Variants in RBPJ observed in about 807,000 individuals in gnomAD.
RBPJ encodes recombining binding protein suppressor of hairless.
A neutral mutation model predicts 67.8 loss-of-function variants in RBPJ; 9 were observed. The observed-to-expected ratio is 0.13, with a 90% CI of 0.08 to 0.23. RBPJ has a LOEUF of 0.23. Ranked by LOEUF, RBPJ falls within the 10% of genes least tolerant of loss-of-function variation. RBPJ has a pLI of 1.00. For synonymous variants in RBPJ, 198 were observed against 203.3 expected (o/e 0.97, Z 0.22); for missense variants, 305 against 595.6 (o/e 0.51, Z 5.08).
In RBPJ at chr4:26,195,794, C is replaced by T. The variant is rs1361167925; in HGVS notation, c.-167+32180C>T. ...TATTTTTAGTAGAGACGAGGTTTCA[C>T]CATGTTGGTCAGGCTGGTCTTGAAC... On this transcript the variant is annotated intron_variant, in intron 1 of 4. Coordinates refer to the RBPJ transcript ENST00000512351. Among the ~76,000 whole-genome samples, 4 of 152,132 alleles carry T rather than the reference C, an allele frequency of 2.6e-5. No individual in the cohort carries two copies. The East Asian group carries it at 7.7e-4, about 29-fold the overall frequency.
intron 2 of RBPJ, among the ~76,000 whole-genome samples, chr4:26,396,805 AAG>A (rs796323883): frequency 3.7e-4 from 56 of 152,384 alleles, no homozygotes; most frequent in African/African-American, 1.2e-3. Flanking sequence ...CTGCTATAAA[AAG>A]AGAGGATTGA....
intron 1 of RBPJ, among the ~76,000 whole-genome samples, chr4:26,203,646 G>A (rs1007436635): frequency 7.9e-5 from 12 of 152,144 alleles, no homozygotes; most frequent in Non-Finnish European, 1.3e-4. Flanking sequence ...AGAATGATTG[G>A]CCACTGCTGC....
the RBPJ span, among the ~76,000 whole-genome samples, chr4:26,133,150 C>G: frequency 6.6e-6 from 1 of 152,266 alleles, no homozygotes; most frequent in African/African-American, 2.4e-5. Context: ...ATGCACCAGT[C>G]AACTGTCATA....
chr4:26,325,505 A>G (rs910234170), intron 1 of RBPJ, among the ~76,000 whole-genome samples: 1 of 152,236 alleles, frequency 6.6e-6, no homozygotes, highest in African/African-American at 2.4e-5. Context: ...CCTGCCAGTT[A>G]AAACCCCTGT....
intron 1 of RBPJ, among the ~76,000 whole-genome samples, chr4:26,286,872 C>T (rs570946418): frequency 2.0e-5 from 3 of 151,760 alleles, no homozygotes; most frequent in African/African-American, 7.3e-5. Flanking sequence ...CTGCAGCCTC[C>T]GCCTCCTGGG....
At chr4:26,237,641 A>C (rs1208650358) in intron 1 of RBPJ, among the ~76,000 whole-genome samples, 2 of 152,214 alleles carry the variant, frequency 1.3e-5, no homozygotes, top group African/African-American at 4.8e-5. Context: ...TAGGGGGTTG[A>C]ATCCAGCATT....
At chr4:26,383,923 G>C (rs1329651504) in intron 1 of RBPJ, 1 of 152,102 alleles carries the variant, frequency 6.6e-6, no homozygotes, top group South Asian at 2.1e-4. Context: ...GGACTGGTGC[G>C]ATCTCAGCTC....
intron 1 of RBPJ, among the ~76,000 whole-genome samples, chr4:26,357,451 G>A (rs1197028700): frequency 6.6e-6 from 1 of 151,992 alleles, no homozygotes; most frequent in Non-Finnish European, 1.5e-5. Context: ...GATAGAAATA[G>A]GTTCGATTTA....
intron 1 of RBPJ, among the ~76,000 whole-genome samples, chr4:26,324,434 A>T (rs1253529495): frequency 6.6e-6 from 1 of 151,954 alleles, no homozygotes; most frequent in African/African-American, 2.4e-5. Flanking sequence ...GTGGTGTAAG[A>T]GATTGAAGTT....
chr4:26,115,649 G>A, the RBPJ span, among the ~76,000 whole-genome samples: 1 of 152,218 alleles, frequency 6.6e-6, no homozygotes, highest in Non-Finnish European at 1.5e-5. Flanking sequence ...CTCCCAAAGT[G>A]CTGGGATTCA....
At chr4:26,222,751 C>T (rs1408847091) in intron 1 of RBPJ, among the ~76,000 whole-genome samples, 2 of 151,230 alleles carry the variant, frequency 1.3e-5, no homozygotes, top group African/African-American at 2.4e-5. Context: ...AAGCTGCCAT[C>T]ATTATGGAGG....
At chr4:26,236,159 G>T (rs2109211891) in intron 1 of RBPJ, among the ~76,000 whole-genome samples, 1 of 152,300 alleles carries the variant, frequency 6.6e-6, no homozygotes, top group Admixed American at 6.5e-5. Flanking sequence ...GGGGATTGAG[G>T]AAAGAGGTCC....
chr4:26,190,055 A>G (rs905185363), intron 1 of RBPJ, among the ~76,000 whole-genome samples: 1 of 152,258 alleles, frequency 6.6e-6, no homozygotes, highest in Non-Finnish European at 1.5e-5. Flanking sequence ...ATAATGGTCA[A>G]TATTTAATGA....
chr4:26,330,766 C>T (rs548460253), intron 1 of RBPJ, among the ~76,000 whole-genome samples: 9 of 152,242 alleles, frequency 5.9e-5, no homozygotes, highest in African/African-American at 1.9e-4. Flanking sequence ...GGATTTGTTT[C>T]TCAGAGGATT....
intron 1 of RBPJ, among the ~76,000 whole-genome samples, chr4:26,346,245 C>T (rs1350888180): frequency 1.3e-5 from 2 of 152,132 alleles, no homozygotes; most frequent in African/African-American, 2.4e-5. Context: ...ACAGCTTTCT[C>T]TCTAGTGAGA....
intron 1 of RBPJ, among the ~76,000 whole-genome samples, chr4:26,372,333 T>A (rs1729238790): frequency 6.6e-6 from 1 of 152,198 alleles, no homozygotes; most frequent in Admixed American, 6.5e-5. Flanking sequence ...TTAGGAAACA[T>A]GCCTGTGCAG....
intron 1 of RBPJ, among the ~76,000 whole-genome samples, chr4:26,230,580 G>A (rs959213242): frequency 6.6e-6 from 1 of 152,222 alleles, no homozygotes; most frequent in Non-Finnish European, 1.5e-5. Context: ...GACCTTGAAA[G>A]ACTAACTCCA....
chr4:26,386,784 AAC>A (rs957205731), intron 2 of RBPJ, among the ~76,000 whole-genome samples: 10 of 152,294 alleles, frequency 6.6e-5, no homozygotes, highest in Admixed American at 6.5e-4. Context: ...ATTTTAAGAA[AAC>A]ACACGTTTTA....
intron 1 of RBPJ, among the ~76,000 whole-genome samples, chr4:26,294,120 T>C (rs1438117505): frequency 1.3e-5 from 2 of 149,080 alleles, no homozygotes; most frequent in Non-Finnish European, 3.0e-5. Context: ...TTTTTTGAGA[T>C]GGAGTCTCAC....
Sources: allele counts gnomAD v4.1 joint callset (sites outside exome capture counted in the v4.1 genomes callset), GRCh38; gene constraint gnomAD v4.1.1; transcripts MANE v1.5; gene names NCBI Gene and HGNC (gene_info 2026-07-23, HGNC 2026-07-21).